The following TENM3 variants were observed in gnomAD, a reference collection of about 807,000 sequenced individuals.
The protein encoded by TENM3 is teneurin transmembrane protein 3, also known as teneurin-3.
A neutral mutation model predicts 255.1 loss-of-function variants in TENM3; 63 were observed. The observed-to-expected ratio is 0.25, with a 90% CI of 0.20 to 0.30. The LOEUF (loss-of-function observed/expected upper bound fraction) is 0.30, where lower values mean the gene tolerates loss of function less well. Among genes scored for constraint, TENM3 ranks in the 10% least tolerant of loss-of-function variants. The probability of loss-of-function intolerance (pLI) is 1.00; values close to 1 mark genes in which losing one functional copy is unlikely to be tolerated. For missense variants in TENM3, 2,929 were observed against 3,461.1 expected, an observed-to-expected ratio of 0.85 and a Z score of 3.86; for synonymous variants, 1,306 against 1,322.3, an observed-to-expected ratio of 0.99 and a Z score of 0.27.
chr4:181,700,827 A>G, the TENM3 span, among the ~76,000 whole-genome samples: 8 of 152,198 alleles, frequency 5.3e-5, no homozygotes, highest in African/African-American at 1.4e-4. Flanking sequence ...GGGGCGGAGG[A>G]ACATTTCTGA....
the TENM3 span, among the ~76,000 whole-genome samples, chr4:181,679,537 G>A: frequency 6.6e-6 from 1 of 152,022 alleles, no homozygotes; most frequent in Non-Finnish European, 1.5e-5. Flanking sequence ...TATAGCACTG[G>A]AAATATTTCC....
chr4:182,752,004 C>G lies in TENM3; in HGVS notation c.3834C>G (p.Ala1278=), dbSNP rs569593542. The G allele has an allele frequency of 2.5e-6, 4 of 1,610,974 alleles. No homozygotes were observed. Among genetic ancestry groups the G allele is most frequent in the African/African-American group, 2.7e-5 (2 of 74,500 alleles). The change falls in exon 20 of 28, where the codon GCC becomes GCG. Residue 1278 remains alanine, a synonymous_variant. Transcript: ENST00000511685. ...CGAGATGTGGGGATGGAGGGAAGGC[C>G]GTGGAAGCCACACTCATGAGTCCCA... ...DEARCGDGGK[A]VEATLMSPKG... is the part of the protein sequence containing the mutation.
chr4:181,901,517 T>C, the TENM3 span, among the ~76,000 whole-genome samples: 5 of 152,236 alleles, frequency 3.3e-5, no homozygotes, highest in African/African-American at 1.2e-4. Context: ...ACAAGAATTA[T>C]TTTAGAGATT....
At chr4:181,686,158 A>G in the TENM3 span, among the ~76,000 whole-genome samples, 1 of 152,176 alleles carries the variant, frequency 6.6e-6, no homozygotes, top group African/African-American at 2.4e-5. Flanking sequence ...ACAGTTTAGA[A>G]GTCAGCAGCT....
At chr4:182,014,780 T>C in the TENM3 span, among the ~76,000 whole-genome samples, 1 of 151,816 alleles carries the variant, frequency 6.6e-6, no homozygotes, top group Non-Finnish European at 1.5e-5. Flanking sequence ...GGCGGCAGAG[T>C]CTTTGCAGAA....
chr4:182,131,734 A>C, the TENM3 span, among the ~76,000 whole-genome samples: 5 of 152,304 alleles, frequency 3.3e-5, no homozygotes, highest in African/African-American at 1.2e-4. Context: ...TTCCACTGTG[A>C]TCTACTGCTA....
At chr4:181,754,335 A>G in the TENM3 span, among the ~76,000 whole-genome samples, 1 of 147,130 alleles carries the variant, frequency 6.8e-6, no homozygotes, top group African/African-American at 2.5e-5. Flanking sequence ...CAATCACATA[A>G]TCCTTGCTCT....
At chr4:182,749,983 GA>G (rs201463686) in intron 19 of TENM3, among the ~76,000 whole-genome samples, 6 of 47,198 alleles carry the variant, frequency 1.3e-4, no homozygotes, top group African/African-American at 2.4e-4. Context: ...TTATAGAAAG[GA>G]AAAAAAAAAA....
chr4:182,259,065 C>T (rs1758618157), intron 1 of TENM3, among the ~76,000 whole-genome samples: 1 of 152,152 alleles, frequency 6.6e-6, no homozygotes, highest in Non-Finnish European at 1.5e-5. Flanking sequence ...ATGTTTTCCA[C>T]ATTTCAGTGG....
chr4:182,008,922 T>C, the TENM3 span, among the ~76,000 whole-genome samples: 1 of 152,088 alleles, frequency 6.6e-6, no homozygotes, highest in Non-Finnish European at 1.5e-5. Context: ...ACTTTTTGTT[T>C]TTGTTGTTGA....
At chr4:182,463,378 T>C (rs1244045167) in intron 3 of TENM3, among the ~76,000 whole-genome samples, 1 of 152,184 alleles carries the variant, frequency 6.6e-6, no homozygotes, top group Non-Finnish European at 1.5e-5. Flanking sequence ...TCATTTATTG[T>C]GTAGATTTTA....
chr4:181,937,870 C>G, the TENM3 span, among the ~76,000 whole-genome samples: 1 of 152,242 alleles, frequency 6.6e-6, no homozygotes, highest in African/African-American at 2.4e-5. Context: ...TGCCTCCATC[C>G]CCAGTGAAGA....
intron 16 of TENM3, 125 bp from the exon 17 acceptor site, chr4:182,736,683 A>C: frequency 2.2e-6 from 2 of 906,414 alleles, no homozygotes; most frequent in Non-Finnish European, 1.6e-6. Flanking sequence ...TGTCTTTGTG[A>C]GTAAGTAAAC....
intron 1 of TENM3, among the ~76,000 whole-genome samples, chr4:182,253,393 C>T (rs1758164555): frequency 6.6e-6 from 1 of 152,140 alleles, no homozygotes; most frequent in African/African-American, 2.4e-5. Flanking sequence ...GAATCACTTG[C>T]ACCCAGGAGG....
At chr4:182,183,472 A>G (rs1197897103) in intron 1 of TENM3, among the ~76,000 whole-genome samples, 1 of 152,162 alleles carries the variant, frequency 6.6e-6, no homozygotes, top group Non-Finnish European at 1.5e-5. Context: ...GCAGTTGCGG[A>G]ACCAAGGACT....
At chr4:181,640,197 G>T in the TENM3 span, among the ~76,000 whole-genome samples, 6 of 152,242 alleles carry the variant, frequency 3.9e-5, no homozygotes, top group African/African-American at 1.4e-4. Flanking sequence ...CCAATTCTCA[G>T]TCCCTACTCC....
the TENM3 span, among the ~76,000 whole-genome samples, chr4:181,610,887 A>G: frequency 6.6e-6 from 1 of 152,306 alleles, no homozygotes; most frequent in East Asian, 1.9e-4. Context: ...ATTGCAAAAC[A>G]TCTGTTCCTA....
intron 3 of TENM3, among the ~76,000 whole-genome samples, chr4:182,458,163 A>G (rs182113555): frequency 8.4e-4 from 128 of 152,308 alleles, no homozygotes; most frequent in Non-Finnish European, 1.6e-3. Context: ...CATCTATGGT[A>G]TAGCTAATGT....
the TENM3 span, among the ~76,000 whole-genome samples, chr4:181,924,246 C>T: frequency 5.9e-5 from 9 of 152,302 alleles, no homozygotes; most frequent in South Asian, 1.7e-3. Flanking sequence ...CTCCACATCA[C>T]TCCCATGAGA....
Sources: allele counts gnomAD v4.1 joint callset (sites outside exome capture counted in the v4.1 genomes callset), GRCh38; gene constraint gnomAD v4.1.1; transcripts MANE v1.5; gene names NCBI Gene and HGNC (gene_info 2026-07-23, HGNC 2026-07-21).